Variants in LIMS1 observed in about 807,000 individuals in gnomAD.
The protein encoded by LIMS1 is LIM zinc finger domain containing 1, also known as LIM and senescent cell antigen-like-containing domain protein 1.
Under a neutral mutation model 44.1 loss-of-function variants are expected in LIMS1, and 18 were observed. The observed-to-expected ratio is 0.41, with a 90% confidence interval of 0.28 to 0.61. LIMS1 has a LOEUF of 0.61. Among genes scored for constraint, LIMS1 ranks in the 20% least tolerant of loss-of-function variants. The pLI, the probability that LIMS1 is intolerant of heterozygous loss-of-function variation, is 0.32. For missense variants in LIMS1, 201 were observed against 422.0 expected, an observed-to-expected ratio of 0.48 and a Z score of 4.59; for synonymous variants, 93 against 149.1, an observed-to-expected ratio of 0.62 and a Z score of 2.74.
At chr2:108,581,951 A>G in intron 1 of LIMS1, among the ~76,000 whole-genome samples, 1 of 150,728 alleles carries the variant, frequency 6.6e-6, no homozygotes, top group Admixed American at 6.6e-5. Flanking sequence ...AAAAAAAAAA[A>G]CAAACAAAAA....
At chr2:108,580,141 G>A (rs928840597) in intron 1 of LIMS1, among the ~76,000 whole-genome samples, 3 of 152,288 alleles carry the variant, frequency 2.0e-5, no homozygotes, top group Middle Eastern at 3.4e-3. Context: ...TTGAAGAATG[G>A]GCTGAACTTA....
At chr2:108,572,830 A>T (rs1438108349) in intron 1 of LIMS1, among the ~76,000 whole-genome samples, 1 of 152,162 alleles carries the variant, frequency 6.6e-6, no homozygotes, top group Non-Finnish European at 1.5e-5. Flanking sequence ...ATTCTCTAAC[A>T]TTCTGGAACT....
intron 1 of LIMS1, among the ~76,000 whole-genome samples, chr2:108,637,988 G>A (rs141914565): frequency 4.9e-4 from 75 of 151,708 alleles, no homozygotes; most frequent in African/African-American, 1.6e-3. Flanking sequence ...CCTTAGTAGC[G>A]CCTACAGGTG....
At chr2:108,576,715 T>C (rs1180334907) in intron 1 of LIMS1, among the ~76,000 whole-genome samples, 2 of 152,130 alleles carry the variant, frequency 1.3e-5, no homozygotes, top group Non-Finnish European at 2.9e-5. Flanking sequence ...TAAAGTGCCC[T>C]TTAGAGTGAG....
intron 1 of LIMS1, among the ~76,000 whole-genome samples, chr2:108,539,089 T>C (rs1421109583): frequency 6.6e-6 from 1 of 152,156 alleles, no homozygotes; most frequent in East Asian, 1.9e-4. Flanking sequence ...GTTTTTTGTT[T>C]TGTTTTGTTT....
intron 1 of LIMS1, among the ~76,000 whole-genome samples, chr2:108,597,883 G>A (rs1218353455): frequency 2.0e-5 from 3 of 151,726 alleles, no homozygotes; most frequent in Non-Finnish European, 2.9e-5. Context: ...TAGTAGAGAC[G>A]GGGTTTCACT....
intron 4 of LIMS1, 46 bp from the exon 5 acceptor site, chr2:108,672,834 T>G: frequency 1.9e-6 from 1 of 531,258 alleles, no homozygotes; most frequent in Non-Finnish European, 3.1e-6. Context: ...TTTTTAACCA[T>G]TAGAAAGAAC....
In LIMS1 at chr2:108,607,090, A is replaced by G. The variant is rs116098196; in HGVS notation, c.33-52515A>G. 3.1e-4 allele frequency: 226 copies of G among 739,690 alleles called. 1 individual carries two copies. The African/African-American group carries it at 3.6e-3, about 12-fold the overall frequency. The allele number at this position is 739,690 out of a possible 1,614,324, so 45.8% of individuals were successfully genotyped here. A position where few individuals can be genotyped will look rare whatever the true frequency, so the allele number is the denominator to read the frequency against. ...AGAGATGATTAGGTCACGAGAACAG[A>G]GCTTTCATGAATGAGATTACTGCCC... On this transcript the variant is annotated intron_variant, in intron 1 of 9. Coordinates refer to ENST00000544547, the Ensembl canonical transcript of LIMS1.
chr2:108,676,164 A>G, intron 6 of LIMS1, 136 bp downstream of exon 6: 1 of 1,140,890 alleles, frequency 8.8e-7, no homozygotes, highest in Non-Finnish European at 1.2e-6. Flanking sequence ...TCCTGGCAAG[A>G]TTAGGAGACT....
chr2:108,537,329 G>T (rs1047396204), intron 1 of LIMS1, among the ~76,000 whole-genome samples: 1 of 152,208 alleles, frequency 6.6e-6, no homozygotes, highest in Non-Finnish European at 1.5e-5. Context: ...GGATATGCAG[G>T]TATTGGGGAT....
chr2:108,575,623 T>C (rs1238766030), intron 1 of LIMS1, among the ~76,000 whole-genome samples: 1 of 152,254 alleles, frequency 6.6e-6, no homozygotes, highest in East Asian at 1.9e-4. Flanking sequence ...GGCTAAGTGG[T>C]CTGGGTGAAC....
intron 1 of LIMS1, among the ~76,000 whole-genome samples, chr2:108,599,075 AAT>A (rs1686866098): frequency 6.6e-6 from 1 of 151,938 alleles, no homozygotes; most frequent in Non-Finnish European, 1.5e-5. Flanking sequence ...TGTCCAATCT[AAT>A]TATTATTGAC....
At chr2:108,630,162 C>T (rs1441536516) in intron 1 of LIMS1, among the ~76,000 whole-genome samples, 2 of 141,230 alleles carry the variant, frequency 1.4e-5, no homozygotes, top group African/African-American at 5.3e-5. Flanking sequence ...CATTGTACTC[C>T]AGCCTGGGCA....
intron 1 of LIMS1, among the ~76,000 whole-genome samples, chr2:108,642,358 G>GTTTTTTTTTTTTTTTTT (rs1199203526): frequency 5.4e-5 from 1 of 18,462 alleles, no homozygotes; most frequent in African/African-American, 1.0e-4. Flanking sequence ...TTTTTTTTTT[G>GTTTTTTTTTTTTTTTTT]TTTTTTGTTT....
In LIMS1 at chr2:108,540,178, A is replaced by G. The variant is rs1354649466; in HGVS notation, c.32+5584A>G. On this transcript the variant is annotated intron_variant, in intron 1 of 9. Coordinates refer to ENST00000544547, the Ensembl canonical transcript of LIMS1. Reference sequence around the variant, plus strand: ...GTTTCTAATTTTCATTTAACAGGTGATAAAGTACAGATTCCTTTTTTTTTT... The same window carrying G: ...GTTTCTAATTTTCATTTAACAGGTGGTAAAGTACAGATTCCTTTTTTTTTT... Among the ~76,000 whole-genome samples, 18 of 147,962 alleles carry G rather than the reference A, an allele frequency of 1.2e-4. No homozygotes were observed. In the Admixed American group the frequency reaches 1.2e-3, roughly 10 times the overall value.
At chr2:108,564,558 A>T (rs1685230818) in intron 1 of LIMS1, among the ~76,000 whole-genome samples, 1 of 152,116 alleles carries the variant, frequency 6.6e-6, no homozygotes, top group African/African-American at 2.4e-5. Context: ...CTTGAGACCC[A>T]GGGAGGAGCC....
rs562333434 is a variant in LIMS1, at chr2:108,600,770, A to G, written c.33-58835A>G. Among the ~76,000 whole-genome samples, 38 of 152,280 alleles carry G rather than the reference A, an allele frequency of 2.5e-4. 1 individual carries two copies. The South Asian group carries it at 6.6e-3, about 27-fold the overall frequency. On this transcript the variant is annotated intron_variant, in intron 1 of 9. Transcript: ENST00000544547. ...CCAATACCATGCTGTTTTGGTTACT[A>G]TAGCTCTCCAGTATAATTGGAAATC...
intron 1 of LIMS1, among the ~76,000 whole-genome samples, chr2:108,536,469 G>A (rs1414505598): frequency 2.0e-5 from 3 of 152,208 alleles, no homozygotes; most frequent in Non-Finnish European, 2.9e-5. Context: ...TTGCTCAGTA[G>A]TGCTCCATGG....
chr2:108,681,013 G>A (rs1022638552), intron 9 of LIMS1: 1 of 1,273,026 alleles, frequency 7.9e-7, no homozygotes, highest in African/African-American at 1.6e-5. Flanking sequence ...TGCAAACACT[G>A]TTATGAGAAA....
Sources: gnomAD v4.1 joint callset for allele counts (sites outside exome capture counted in the v4.1 genomes callset) on GRCh38, gnomAD v4.1.1 for gene constraint, MANE v1.5 for transcripts, NCBI Gene and HGNC (gene_info 2026-07-23, HGNC 2026-07-21) for gene names.